Variants in UQCC6 observed in about 807,000 individuals in gnomAD.
UQCC6 encodes protein BRAWNIN.
At chr12:103,953,512 G>A in the UQCC6 span, 72 of 702,246 alleles carry the variant, frequency 1.0e-4, 1 homozygote, top group Admixed American at 5.2e-4. Flanking sequence ...TTCTCCGACC[G>A]AAAGACTTGT....
the UQCC6 span, among the ~76,000 whole-genome samples, chr12:103,952,521 G>A: frequency 5.3e-5 from 8 of 152,268 alleles, no homozygotes; most frequent in South Asian, 1.7e-3. Flanking sequence ...GTGTTTTCAT[G>A]TCTATTGGGC....
At chr12:103,956,830 C>A in the UQCC6 span, 2 of 860,830 alleles carry the variant, frequency 2.3e-6, no homozygotes, top group South Asian at 1.6e-5. Context: ...CCAGCCAGCG[C>A]TGGACACGAG....
chr12:103,965,501 C>G, the UQCC6 span: 1 of 152,796 alleles, frequency 6.5e-6, no homozygotes, highest in African/African-American at 2.4e-5. Flanking sequence ...AAGACCCTCC[C>G]TCACATCTCA....
At chr12:103,952,351 G>A in the UQCC6 span, among the ~76,000 whole-genome samples, 72 of 152,272 alleles carry the variant, frequency 4.7e-4, no homozygotes, top group East Asian at 0.013. Context: ...CCATGTTGTA[G>A]CTTGTATCAG....
the UQCC6 span, among the ~76,000 whole-genome samples, chr12:103,962,910 C>G: frequency 1.3e-5 from 2 of 152,190 alleles, no homozygotes; most frequent in African/African-American, 4.8e-5. Flanking sequence ...CTTGCCTGCC[C>G]TGTGTCATGC....
chr12:103,956,812 G>C, the UQCC6 span: 7 of 1,063,146 alleles, frequency 6.6e-6, no homozygotes, highest in East Asian at 1.8e-4. Context: ...CGCCAGGGCT[G>C]AGGCGCTCCA....
chr12:103,953,664 C>T, the UQCC6 span: 953 of 676,020 alleles, frequency 1.4e-3, 5 homozygotes, highest in East Asian at 0.013. Flanking sequence ...CCTGGGCCTT[C>T]AAGTTCCTAC....
the UQCC6 span, among the ~76,000 whole-genome samples, chr12:103,960,728 A>G: frequency 6.6e-6 from 1 of 152,216 alleles, no homozygotes; most frequent in South Asian, 2.1e-4. Flanking sequence ...TGGCCCCATA[A>G]GATTACAACG....
chr12:103,951,987 AG>A, the UQCC6 span, among the ~76,000 whole-genome samples: 1 of 152,242 alleles, frequency 6.6e-6, no homozygotes, highest in Non-Finnish European at 1.5e-5. Context: ...CATAGAAAAT[AG>A]GCGTTAGGAA....
At chr12:103,952,468 A>C in the UQCC6 span, among the ~76,000 whole-genome samples, 1 of 152,196 alleles carries the variant, frequency 6.6e-6, no homozygotes, top group Non-Finnish European at 1.5e-5. Flanking sequence ...TATTATGAAT[A>C]ATACTGCTCT....
the UQCC6 span, chr12:103,953,361 C>T: frequency 1.4e-6 from 1 of 701,792 alleles, no homozygotes; most frequent in Non-Finnish European, 2.6e-6. Context: ...TGAACTACAA[C>T]AGAGTCATCT....
the UQCC6 span, among the ~76,000 whole-genome samples, chr12:103,963,724 AT>A: frequency 1.3e-5 from 2 of 151,936 alleles, no homozygotes; most frequent in Non-Finnish European, 2.9e-5. Context: ...TGTGAATGGT[AT>A]TTTTTCTAAT....
the UQCC6 span, among the ~76,000 whole-genome samples, chr12:103,955,442 G>C: frequency 6.6e-6 from 1 of 152,222 alleles, no homozygotes; most frequent in Admixed American, 6.5e-5. Context: ...TTGGAGACCA[G>C]CCTGAGCAAC....
At chr12:103,953,054 GGAA>G in the UQCC6 span, among the ~76,000 whole-genome samples, 1 of 152,208 alleles carries the variant, frequency 6.6e-6, no homozygotes, top group Non-Finnish European at 1.5e-5. Context: ...CTCTGAAATG[GGAA>G]GACACTGGAG....
chr12:103,955,069 C>G, the UQCC6 span: 227 of 636,830 alleles, frequency 3.6e-4, no homozygotes, highest in Non-Finnish European at 5.7e-4. Context: ...AACCCCAGCA[C>G]TTTGGGAGGC....
chr12:103,963,419 A>G, the UQCC6 span, among the ~76,000 whole-genome samples: 7 of 152,202 alleles, frequency 4.6e-5, no homozygotes, highest in Admixed American at 4.6e-4. Context: ...TTCTTAAGTC[A>G]GGCAGTATTA....
chr12:103,961,579 C>CA, the UQCC6 span, among the ~76,000 whole-genome samples: 2 of 150,822 alleles, frequency 1.3e-5, no homozygotes, highest in Non-Finnish European at 2.9e-5. Flanking sequence ...TGTTTTGAGA[C>CA]AGAGTCTCGC....
At chr12:103,951,378 A>G in the UQCC6 span, 1 of 511,548 alleles carries the variant, frequency 2.0e-6, no homozygotes, top group Non-Finnish European at 3.5e-6. Context: ...ACCGTAATTA[A>G]ATTTCAACGT....
At chr12:103,955,939 T>G in the UQCC6 span, among the ~76,000 whole-genome samples, 2 of 152,244 alleles carry the variant, frequency 1.3e-5, no homozygotes, top group Non-Finnish European at 2.9e-5. Flanking sequence ...TCACTCATCC[T>G]TCATTCAACA....
Sources: gnomAD v4.1 joint callset for allele counts (sites outside exome capture counted in the v4.1 genomes callset) on GRCh38, gnomAD v4.1.1 for gene constraint, MANE v1.5 for transcripts, NCBI Gene and HGNC (gene_info 2026-07-23, HGNC 2026-07-21) for gene names.